Variants in SEMA4C observed in about 807,000 individuals in gnomAD.
SEMA4C encodes the protein semaphorin 4C, also known as semaphorin-4C.
A neutral mutation model predicts 89.0 loss-of-function variants in SEMA4C; 19 were observed. The ratio of observed to expected loss-of-function variants is 0.21; its 90% CI spans 0.15 to 0.31. The LOEUF is 0.31. SEMA4C is among the 10% of genes least tolerant of loss of function. SEMA4C has a pLI of 1.00. For synonymous variants in SEMA4C, 428 were observed against 472.7 expected (o/e 0.91, Z 1.23); for missense variants, 811 against 1,107.0 (o/e 0.73, Z 3.79).
rs947036747 is a variant in SEMA4C, at chr2:96,864,597, C to G, written c.962+108G>C. The G allele has an allele frequency of 4.9e-6, 7 of 1,432,214 alleles. No homozygotes were observed. The African/African-American group carries it at 8.5e-5, about 17-fold the overall frequency. The allele number at this position is 1,432,214 out of a possible 1,614,324, so 88.7% of individuals were successfully genotyped here. A position where few individuals can be genotyped will look rare whatever the true frequency, so the allele number is the denominator to read the frequency against. On this transcript the variant is annotated intron_variant, in intron 9 of 14. Transcript: ENST00000305476. The surrounding 1 kb of genome is among the most constrained non-coding windows in gnomAD (Gnocchi z 6.3). ...AGCATTCTCCTTGGCTTCTGGACAC[C>G]TGGCTTCCGGGACTGCCTCTGAGGC...
chr2:96,866,564 A>G (rs760642462), intron 2 of SEMA4C, 133 bp from the exon 3 acceptor site: 15 of 1,272,322 alleles, frequency 1.2e-5, no homozygotes, highest in Non-Finnish European at 1.6e-5. Context: ...AATAAAGGAC[A>G]CTTTTGAAAC....
chr2:96,860,552 T>C lies in SEMA4C; in HGVS notation c.*74A>G. On this transcript the variant is annotated 3_prime_UTR_variant, in exon 15 of 15. Coordinates refer to ENST00000305476, the MANE Select transcript of SEMA4C (RefSeq NM_017789.5). Reference sequence around the variant, plus strand: ...AGAGCAGGTGCCCGTGCCATGTCCCTGAGGTAGCTGGTGCCTGTGCAAAAG... The same window carrying C: ...AGAGCAGGTGCCCGTGCCATGTCCCCGAGGTAGCTGGTGCCTGTGCAAAAG... The C allele has an allele frequency of 1.5e-6, 2 of 1,350,632 alleles. No individual in the cohort carries two copies. Among genetic ancestry groups the C allele is most frequent in the Non-Finnish European group, 2.0e-6 (2 of 976,552 alleles). The allele number at this position is 1,350,632 out of a possible 1,614,324, so 83.7% of individuals were successfully genotyped here. A position where few individuals can be genotyped will look rare whatever the true frequency, so the allele number is the denominator to read the frequency against.
At chr2:96,869,033 G>C (rs902275272) in intron 1 of SEMA4C, 2 of 985,206 alleles carry the variant, frequency 2.0e-6, no homozygotes, top group African/African-American at 3.5e-5. Context: ...CCCAGCTCCA[G>C]GGATTTGAAC....
chr2:96,860,788 A>G lies in SEMA4C; in HGVS notation c.2340T>C (p.Gly780=), dbSNP rs1574141621. The G allele has an allele frequency of 1.2e-6, 2 of 1,613,120 alleles. No individual in the cohort carries two copies. Among genetic ancestry groups the G allele is most frequent in the Non-Finnish European group, 1.7e-6 (2 of 1,179,884 alleles). The part of the protein sequence containing the change: ...LPSPTRLHLG[G]GRNSNANGYV... ...AACCATTGGCATTTGAGTTCCGCCC[A>G]CCCCCCAGGTGAAGCCGAGTTGGAG... The change falls in exon 15 of 15, where the codon GGT becomes GGC. Residue 780 remains glycine (G), a synonymous_variant. Transcript: ENST00000305476.
chr2:96,864,146 G>A lies in SEMA4C; in HGVS notation c.1110C>T (p.Cys370=). 6.2e-7 allele frequency: 1 copy of A among 1,612,528 alleles called. No homozygotes were observed. Among genetic ancestry groups the A allele is most frequent in the Non-Finnish European group, 8.5e-7 (1 of 1,179,750 alleles). ...DPVPSPRPGS[C]INNWHRRHGY... is the part of the protein sequence containing the mutation. ...CGTGGCGCCGATGCCAGTTGTTAATGCACTGGGGGCAGGGTGTGGGGGGCA... is the reference window on the plus strand; with the variant it reads ...CGTGGCGCCGATGCCAGTTGTTAATACACTGGGGGCAGGGTGTGGGGGGCA... Residue 370 remains cysteine (C), a splice_region_variant and synonymous_variant, in exon 11 of 15, where the codon TGC becomes TGT. Transcript: ENST00000305476. This position sits in a 1 kb window ranked among gnomAD's most constrained non-coding sequence, Gnocchi z 6.3.
In SEMA4C at chr2:96,864,567, G is replaced by T. The variant is rs574541822; in HGVS notation, c.962+138C>A. 60 of 1,345,864 alleles carry T rather than the reference G, an allele frequency of 4.5e-5. No homozygotes were observed. In the East Asian group the frequency reaches 1.3e-3, roughly 29 times the overall value. 83.4% of individuals were successfully genotyped at this position (1,345,864 alleles called of 1,614,324 possible). ...TCACAGGCAGCTCTGAAAGGGGCAG[G>T]TGCCAGCATTCTCCTTGGCTTCTGG... is the stretch of plus-strand genomic sequence containing the variant. On this transcript the variant is annotated intron_variant, in intron 9 of 14. Coordinates refer to ENST00000305476, the MANE Select transcript of SEMA4C (RefSeq NM_017789.5). This position sits in a 1 kb window ranked among gnomAD's most constrained non-coding sequence, Gnocchi z 6.3.
At chr2:96,862,068 C>T in intron 12 of SEMA4C, 174 bp from the exon 13 acceptor site, 4 of 681,782 alleles carry the variant, frequency 5.9e-6, no homozygotes, top group East Asian at 2.7e-5. Context: ...AAAGGGAACT[C>T]TAAGAACCGC....
Position 96,860,966 on chromosome 2 carries a change from CG to C in SEMA4C, c.2161del (p.Arg721GlyfsTer25). 6.2e-7 allele frequency: 1 copy of C among 1,613,024 alleles called. No individual in the cohort carries two copies. The highest frequency in any genetic ancestry group is 8.5e-7 in the Non-Finnish European group (1 of 1,180,024). On this transcript the variant is annotated frameshift_variant, in exon 15 of 15. Coordinates refer to ENST00000305476, the MANE Select transcript of SEMA4C (RefSeq NM_017789.5). LOFTEE classifies it high-confidence loss of function. ...LPKEPTSPPF[R>X]PCPEPDEKLW... ...TTTCTCATCTGGTTCAGGACAGGGC[CG>C]GAAGGGGGGACTGGTGGGCTCCTTG...
rs1366565422 is a variant in SEMA4C, at chr2:96,863,620, A to G, written c.1443+62T>C. On this transcript the variant is annotated intron_variant, in intron 12 of 14. Coordinates refer to ENST00000305476, the MANE Select transcript of SEMA4C (RefSeq NM_017789.5). The stretch of plus-strand genomic sequence containing the variant: ...ATAGGCCCAACTGGGAGAAGCAGCC[A>G]GATGGAGAGAGTGAGATGGGATAGT... The G allele has an allele frequency of 2.1e-5, 31 of 1,500,626 alleles. No homozygotes were observed. The East Asian group carries it at 4.3e-4, about 21-fold the overall frequency. The allele number at this position is 1,500,626 out of a possible 1,614,324, so 93.0% of individuals were successfully genotyped here.
rs1344392132 is a variant in SEMA4C at position 96,864,816 on chromosome 2, G to T, written c.851C>A (p.Ala284Glu). The T allele has an allele frequency of 1.7e-5, 28 of 1,613,766 alleles. No homozygotes were observed. The highest frequency in any genetic ancestry group is 2.3e-5 in the Non-Finnish European group (27 of 1,180,012). The change falls in exon 9 of 15, where the codon GCA (alanine) becomes GAA (glutamate). Residue 284 changes from alanine (A) to glutamate (E), a missense_variant. This residue lies in a region of SEMA4C where 441 missense variants were observed against 664.9 expected (regional missense o/e 0.66). Transcript: ENST00000305476. The surrounding 1 kb of genome is among the most constrained non-coding windows in gnomAD (Gnocchi z 6.3). ...KWTTFLKARL[A>E]CSAPNWQLYF... ...GAGCTGCCAGTTCGGGGCAGAGCATGCCAGCCGCGCCTTCAGGAACGTGGT... is the reference window on the plus strand; with the variant it reads ...GAGCTGCCAGTTCGGGGCAGAGCATTCCAGCCGCGCCTTCAGGAACGTGGT...
In SEMA4C at chr2:96,860,719, C is replaced by A; in HGVS notation, c.2409G>T (p.Gly803=). The A allele has an allele frequency of 6.2e-7, 1 of 1,613,720 alleles. No individual in the cohort carries two copies. The highest frequency in any genetic ancestry group is 1.7e-5 in the Admixed American group (1 of 60,018). ...CATCCGCGAGCTCAGGCAGGGGGTG[C>A]CCGAGCCCTCCCCGGTCCTCCCCTC... ...QLGGEDRGGL[G]HPLPELADEL... is the part of the protein sequence containing the mutation. The change falls in exon 15 of 15, where the codon GGG becomes GGT. Residue 803 remains glycine (G), a synonymous_variant. Coordinates refer to ENST00000305476, the MANE Select transcript of SEMA4C (RefSeq NM_017789.5).
Position 96,867,877 on chromosome 2 carries a change from G to A in SEMA4C, c.10C>T (p.His4Tyr). The change falls in exon 2 of 15, where the codon CAC becomes TAC. Residue 4 changes from histidine to tyrosine, a missense_variant. Transcript: ENST00000305476. ...GCTGCCAGCAGCCAGACAGCCCAGT[G>A]TGGGGCCATGGCGCACGCCCCGGCT... MAP[H>Y]WAVWLLAARL... 1 of 1,613,560 alleles carries A rather than the reference G, an allele frequency of 6.2e-7. No homozygotes were observed. The highest frequency in any genetic ancestry group is 2.2e-5 in the East Asian group (1 of 44,880).
intron 1 of SEMA4C, among the ~76,000 whole-genome samples, chr2:96,868,205 G>A (rs952692249): frequency 2.6e-5 from 4 of 152,210 alleles, no homozygotes; most frequent in African/African-American, 4.8e-5. Flanking sequence ...CTGCGCAACA[G>A]GAAATCATTT....
At position 96,860,970 on chromosome 2, in the gene SEMA4C, A is replaced by AG; in HGVS notation, c.2157dup (p.Phe720LeufsTer6). 1 of 1,613,040 alleles carries AG rather than the reference A, an allele frequency of 6.2e-7. No individual in the cohort carries two copies. Among genetic ancestry groups the AG allele is most frequent in the Non-Finnish European group, 8.5e-7 (1 of 1,180,026 alleles). ...TCATCTGGTTCAGGACAGGGCCGGA[A>AG]GGGGGGACTGGTGGGCTCCTTGGGC... On this transcript the variant is annotated frameshift_variant, in exon 15 of 15. Coordinates refer to ENST00000305476, the MANE Select transcript of SEMA4C (RefSeq NM_017789.5). LOFTEE classifies it high-confidence loss of function.
Position 96,861,787 on chromosome 2 carries a change from G to A in SEMA4C, c.1551C>T (p.Cys517=), listed in dbSNP as rs770717248. 6.2e-6 allele frequency: 10 copies of A among 1,613,250 alleles called. No individual in the cohort carries two copies. Among genetic ancestry groups the A allele is most frequent in the East Asian group, 4.5e-5 (2 of 44,894 alleles). ...ADCVLARDPY[C]AWSVNTSRCV... ...AGCGGCTGGTGTTGACGCTCCAGGC[G>A]CAATAGGGGTCCCGGGCGAGGACAC... is the stretch of plus-strand genomic sequence containing the variant. The change falls in exon 13 of 15, where the codon TGC becomes TGT. Residue 517 remains cysteine (C), a synonymous_variant. Coordinates refer to ENST00000305476, the MANE Select transcript of SEMA4C (RefSeq NM_017789.5). The surrounding 1 kb of genome is among the most constrained non-coding windows in gnomAD (Gnocchi z 7.8).
rs762825083 is a variant in SEMA4C at position 96,864,077 on chromosome 2, G to A, written c.1179C>T (p.Phe393=). Reference sequence around the variant, plus strand: ...CCTCCATCAGCGGGTGCTTCTTGACGAAGTTGAGGATGTTGTCGGGTAGCT... The same window carrying A: ...CCTCCATCAGCGGGTGCTTCTTGACAAAGTTGAGGATGTTGTCGGGTAGCT... ...SLELPDNILN[F]VKKHPLMEEQ... The change falls in exon 11 of 15, where the codon TTC becomes TTT. Residue 393 remains phenylalanine, a synonymous_variant. Coordinates refer to ENST00000305476, the MANE Select transcript of SEMA4C (RefSeq NM_017789.5). The surrounding 1 kb of genome is among the most constrained non-coding windows in gnomAD (Gnocchi z 6.3). The A allele has an allele frequency of 5.6e-6, 9 of 1,613,116 alleles. No homozygotes were observed. The highest frequency in any genetic ancestry group is 6.8e-6 in the Non-Finnish European group (8 of 1,179,998).
In SEMA4C at chr2:96,860,284, G is replaced by GCGTGCACACA. The variant is rs1189967560; in HGVS notation, c.*332_*341dup. On this transcript the variant is annotated 3_prime_UTR_variant, in exon 15 of 15. Transcript: ENST00000305476. ...AAGGCTATGCCACAAGCGCGCACGC[G>GCGTGCACACA]CGTGCACACACACATACACACACAC... 3.6e-6 allele frequency: 1 copy of GCGTGCACACA among 279,988 alleles called. No individual in the cohort carries two copies. Among genetic ancestry groups the GCGTGCACACA allele is most frequent in the Non-Finnish European group, 6.7e-6 (1 of 149,940 alleles). 17.3% of individuals were successfully genotyped at this position (279,988 alleles called of 1,614,324 possible). A position where few individuals can be genotyped will look rare whatever the true frequency, so the allele number is the denominator to read the frequency against.
Position 96,861,820 on chromosome 2 carries a change from A to G in SEMA4C, c.1518T>C (p.Cys506=), listed in dbSNP as rs1433257785. Residue 506 remains cysteine, a synonymous_variant, in exon 13 of 15, where the codon TGT becomes TGC. Coordinates refer to ENST00000305476, the MANE Select transcript of SEMA4C (RefSeq NM_017789.5). The surrounding 1 kb of genome is among the most constrained non-coding windows in gnomAD (Gnocchi z 7.8). ...PVADCMKYRS[C]ADCVLARDPY... is the part of the protein sequence containing the mutation. The stretch of plus-strand genomic sequence containing the variant: ...GGTCCCGGGCGAGGACACAGTCTGC[A>G]CAGGAGCGATACTTCATGCAGTCGG... 6.2e-7 allele frequency: 1 copy of G among 1,612,942 alleles called. No homozygotes were observed. The highest frequency in any genetic ancestry group is 1.1e-5 in the South Asian group (1 of 91,092).
upstream of SEMA4C, chr2:96,870,687 C>T (rs185620597): frequency 7.1e-4 from 697 of 985,518 alleles, 6 homozygotes; most frequent in African/African-American, 0.012. Context: ...ACGCTTTGGG[C>T]AAAGCGCCTA....
Sources: gnomAD v4.1 joint callset for allele counts (sites outside exome capture counted in the v4.1 genomes callset) on GRCh38, gnomAD v4.1.1 for gene constraint, gnomAD v4.1.1 regional missense constraint, Gnocchi (gnomAD v3.1) non-coding constraint, MANE v1.5 for transcripts, NCBI Gene and HGNC (gene_info 2026-07-23, HGNC 2026-07-21) for gene names.